SLC26A7: variants seen among roughly 807,000 people sequenced by gnomAD.
The protein encoded by SLC26A7 is anion exchange transporter.
A neutral mutation model predicts 82.5 loss-of-function variants in SLC26A7; 59 were observed. That is an observed-to-expected ratio of 0.72 (90% confidence interval 0.58 to 0.89). SLC26A7 has a LOEUF of 0.89. Among genes scored for constraint, SLC26A7 ranks in the 40% least tolerant of loss-of-function variants. The pLI is 0.00. For synonymous variants in SLC26A7, 271 were observed against 274.3 expected (o/e 0.99, Z 0.12); for missense variants, 820 against 793.0 (o/e 1.03, Z -0.41).
At chr8:91,290,908 C>T (rs562036490) in intron 3 of SLC26A7, among the ~76,000 whole-genome samples, 163 of 152,272 alleles carry the variant, frequency 1.1e-3, no homozygotes, top group Admixed American at 2.2e-3. Flanking sequence ...TAAAGTGTGG[C>T]TCATGAACCA....
chr8:91,243,886 TAAAAG>T (rs963240401), intron 2 of SLC26A7, among the ~76,000 whole-genome samples: 12 of 152,146 alleles, frequency 7.9e-5, no homozygotes, highest in African/African-American at 2.7e-4. Context: ...GTATACCACT[TAAAAG>T]AAACCTGCAT....
chr8:91,358,566 A>C (rs1813949353), intron 11 of SLC26A7, among the ~76,000 whole-genome samples: 1 of 151,948 alleles, frequency 6.6e-6, no homozygotes, highest in African/African-American at 2.4e-5. Context: ...TGCTGACATC[A>C]TGATCCACCC....
At chr8:91,282,246 C>T (rs1811593554) in intron 2 of SLC26A7, among the ~76,000 whole-genome samples, 1 of 152,068 alleles carries the variant, frequency 6.6e-6, no homozygotes, top group Non-Finnish European at 1.5e-5. Context: ...TCTTTGTGGG[C>T]AGAGGCCAGT....
chr8:91,298,983 A>G (rs1270465675), intron 4 of SLC26A7, among the ~76,000 whole-genome samples: 9 of 152,158 alleles, frequency 5.9e-5, no homozygotes, highest in East Asian at 1.9e-4. Flanking sequence ...TTACCAACAG[A>G]ATGTGTTCTC....
chr8:91,233,589 GAAAAAA>G (rs1190098102), intron 2 of SLC26A7, among the ~76,000 whole-genome samples: 1 of 150,580 alleles, frequency 6.6e-6, no homozygotes, highest in Non-Finnish European at 1.5e-5. Context: ...AAAAGAAAAA[GAAAAAA>G]AAGAAAAAGA....
chr8:91,321,115 T>A (rs1263055484), intron 5 of SLC26A7, among the ~76,000 whole-genome samples: 1 of 152,244 alleles, frequency 6.6e-6, no homozygotes, highest in Non-Finnish European at 1.5e-5. Context: ...ACAGGGGATG[T>A]CTGATTCTGT....
intron 5 of SLC26A7, among the ~76,000 whole-genome samples, chr8:91,319,211 T>C (rs1812724352): frequency 6.6e-6 from 1 of 152,186 alleles, no homozygotes; most frequent in East Asian, 1.9e-4. Flanking sequence ...GAGGATCCTC[T>C]TTATTTGCAT....
At chr8:91,278,293 A>G (rs1466964728) in intron 2 of SLC26A7, among the ~76,000 whole-genome samples, 1 of 152,108 alleles carries the variant, frequency 6.6e-6, no homozygotes, top group Non-Finnish European at 1.5e-5. Flanking sequence ...GCAGAGCTGC[A>G]AGAGACGGGT....
At chr8:91,394,201 T>C in intron 18 of SLC26A7, 162 bp downstream of exon 18, 2 of 1,611,472 alleles carry the variant, frequency 1.2e-6, no homozygotes, top group Non-Finnish European at 1.7e-6. Flanking sequence ...AAAAGAATGT[T>C]TCCATTCTTT....
chr8:91,375,614 T>A (rs1814489522), intron 15 of SLC26A7, among the ~76,000 whole-genome samples: 1 of 152,016 alleles, frequency 6.6e-6, no homozygotes, highest in South Asian at 2.1e-4. Context: ...GTAATGGGAT[T>A]TCCTTTATAG....
chr8:91,248,286 A>G (rs1810576566), upstream of SLC26A7, among the ~76,000 whole-genome samples: 1 of 152,124 alleles, frequency 6.6e-6, no homozygotes, highest in African/African-American at 2.4e-5. Context: ...TTTTGCACAG[A>G]CACAAAGCTA....
Position 91,214,415 on chromosome 8 carries a change from T to C in SLC26A7, c.-149-4475T>C, listed in dbSNP as rs537321362. Among the ~76,000 whole-genome samples the C allele has an allele frequency of 3.3e-5, 5 of 152,310 alleles. No individual in the cohort carries two copies. In the East Asian group the frequency reaches 9.6e-4, roughly 29 times the overall value. On this transcript the variant is annotated intron_variant, in intron 1 of 5. Transcript: ENST00000522862. ...CTTCAGTATGTTATTTGAAAACATG[T>C]GCACTTTCCAACAACTGTTCATTCT...
At chr8:91,326,278 T>C (rs1350158697) in intron 5 of SLC26A7, among the ~76,000 whole-genome samples, 2 of 152,166 alleles carry the variant, frequency 1.3e-5, no homozygotes, top group Non-Finnish European at 2.9e-5. Flanking sequence ...GCTGCCACAA[T>C]AAACTATCAC....
intron 2 of SLC26A7, among the ~76,000 whole-genome samples, chr8:91,262,216 A>G (rs1201174595): frequency 1.3e-5 from 2 of 152,080 alleles, no homozygotes; most frequent in African/African-American, 4.8e-5. Flanking sequence ...TAGCTAAGAC[A>G]TATAAACTCA....
At chr8:91,360,424 T>A (rs1262768034) in intron 11 of SLC26A7, among the ~76,000 whole-genome samples, 17 of 152,172 alleles carry the variant, frequency 1.1e-4, no homozygotes, top group Admixed American at 1.1e-3. Context: ...CAACTAGCAT[T>A]TGGGTCTTTA....
chr8:91,288,845 C>A (rs1299038542), intron 2 of SLC26A7, among the ~76,000 whole-genome samples: 1 of 152,206 alleles, frequency 6.6e-6, no homozygotes, highest in East Asian at 1.9e-4. Context: ...TACAATGTTA[C>A]TGTCCAACCT....
chr8:91,323,174 T>C (rs7827280), intron 5 of SLC26A7, among the ~76,000 whole-genome samples: 33,294 of 152,044 alleles, frequency 0.22, 4,983 homozygotes, highest in African/African-American at 0.42. Flanking sequence ...TTGTGAATTG[T>C]GGGAATGTTC....
At chr8:91,340,291 A>G (rs1429677539) in intron 7 of SLC26A7, 113 bp from the exon 8 acceptor site, 3 of 1,325,456 alleles carry the variant, frequency 2.3e-6, no homozygotes, top group South Asian at 2.9e-5. Flanking sequence ...TCTCATGGGT[A>G]TTTCACTTAG....
chr8:91,218,284 ATTT>A (rs1350754798), intron 1 of SLC26A7, among the ~76,000 whole-genome samples: 1 of 152,170 alleles, frequency 6.6e-6, no homozygotes, highest in Non-Finnish European at 1.5e-5. Flanking sequence ...GGTTACCATT[ATTT>A]CAAACATAAA....
Sources: gnomAD v4.1 joint callset for allele counts (sites outside exome capture counted in the v4.1 genomes callset) on GRCh38, gnomAD v4.1.1 for gene constraint, MANE v1.5 for transcripts, NCBI Gene and HGNC (gene_info 2026-07-23, HGNC 2026-07-21) for gene names.